MIGA1: variants seen among roughly 807,000 people sequenced by gnomAD.
MIGA1 encodes the protein mitoguardin 1.
In MIGA1, 58 loss-of-function variants were observed where a neutral mutation model predicts 82.0. The ratio of observed to expected loss-of-function variants is 0.71; its 90% CI spans 0.57 to 0.88. MIGA1 has a LOEUF of 0.88. Ranked by LOEUF, MIGA1 falls within the 40% of genes least tolerant of loss-of-function variation. MIGA1 has a pLI of 0.00. For synonymous variants in MIGA1, 249 were observed against 253.6 expected, an observed-to-expected ratio of 0.98 and a Z score of 0.17; for missense variants, 751 against 749.1, an observed-to-expected ratio of 1.00 and a Z score of -0.03.
At chr1:77,841,566 G>T (rs1361341158) in intron 7 of MIGA1, among the ~76,000 whole-genome samples, 1 of 148,904 alleles carries the variant, frequency 6.7e-6, no homozygotes, top group East Asian at 2.0e-4. Flanking sequence ...TTGATGCTTT[G>T]AATAAAAAAA....
intron 2 of MIGA1, among the ~76,000 whole-genome samples, chr1:77,784,623 A>G (rs1301391663): frequency 6.6e-6 from 1 of 152,108 alleles, no homozygotes; most frequent in African/African-American, 2.4e-5. Context: ...CACATAGTGC[A>G]CAGTTTTTCC....
chr1:77,845,782 C>T (rs183038791), intron 8 of MIGA1, among the ~76,000 whole-genome samples: 4 of 152,110 alleles, frequency 2.6e-5, no homozygotes, highest in Non-Finnish European at 4.4e-5. Context: ...TTTGATCGTT[C>T]GAAAACCTTT....
intron 5 of MIGA1, chr1:77,810,914 A>G (rs1683301280): frequency 3.7e-6 from 6 of 1,611,886 alleles, no homozygotes; most frequent in Non-Finnish European, 5.1e-6. Context: ...TTCTTGGTCA[A>G]TAATTGCAAT....
At chr1:77,803,767 A>AC (rs1444413636) in intron 4 of MIGA1, among the ~76,000 whole-genome samples, 1 of 152,162 alleles carries the variant, frequency 6.6e-6, no homozygotes, top group East Asian at 1.9e-4. Context: ...GGGAAAGGTA[A>AC]CGGGGGGTGG....
chr1:77,876,189 G>C lies in MIGA1; in HGVS notation c.*1125G>C, dbSNP rs1023025829. 1 of 151,810 alleles carries C rather than the reference G, an allele frequency of 6.6e-6. No individual in the cohort carries two copies. Among genetic ancestry groups the C allele is most frequent in the Non-Finnish European group, 1.5e-5 (1 of 67,992 alleles). 9.4% of individuals were successfully genotyped at this position (151,810 alleles called of 1,614,324 possible). A position where few individuals can be genotyped will look rare whatever the true frequency, so the allele number is the denominator to read the frequency against. ...GTTGGGTGTGGTGGCATGTGTCTGT[G>C]GTCCCAGCTACTTGGGAGGCTGAGG... On this transcript the variant is annotated 3_prime_UTR_variant, in exon 16 of 16. Coordinates refer to ENST00000370791, the MANE Select transcript of MIGA1 (RefSeq NM_198549.4).
chr1:77,821,431 C>G (rs1490814841), intron 7 of MIGA1, among the ~76,000 whole-genome samples: 1 of 145,914 alleles, frequency 6.9e-6, no homozygotes, highest in African/African-American at 2.6e-5. Flanking sequence ...GCTCTTGTTG[C>G]GCAGGCTGGA....
chr1:77,816,208 T>C (rs1199654743), intron 7 of MIGA1, among the ~76,000 whole-genome samples: 1 of 152,066 alleles, frequency 6.6e-6, no homozygotes, highest in Non-Finnish European at 1.5e-5. Flanking sequence ...CCTCCCAAAG[T>C]GCTGGGATTA....
Position 77,848,777 on chromosome 1 carries a change from G to A in MIGA1, c.996+5370G>A, listed in dbSNP as rs1684937159. 12 of 1,294,604 alleles carry A rather than the reference G, an allele frequency of 9.3e-6. 2 individuals are homozygous for A. In the South Asian group the frequency reaches 1.6e-4, roughly 17 times the overall value. The allele number at this position is 1,294,604 out of a possible 1,614,324, so 80.2% of individuals were successfully genotyped here. ...CAGATGGTGCAGGTTAATGCAAAGA[G>A]CTATATTGACAAACAAGATGATTGA... On this transcript the variant is annotated intron_variant, in intron 8 of 15. Coordinates refer to ENST00000370791, the MANE Select transcript of MIGA1 (RefSeq NM_198549.4).
At chr1:77,805,650 C>G (rs1683071134) in intron 4 of MIGA1, among the ~76,000 whole-genome samples, 1 of 151,712 alleles carries the variant, frequency 6.6e-6, no homozygotes, top group Non-Finnish European at 1.5e-5. Flanking sequence ...CTGCCTCAGC[C>G]TCCCGAGTAG....
intron 14 of MIGA1, among the ~76,000 whole-genome samples, chr1:77,869,621 G>GT (rs1553228962): frequency 7.7e-6 from 1 of 129,070 alleles, no homozygotes; most frequent in African/African-American, 2.8e-5. Context: ...AGGCAGAGGG[G>GT]TCCTCACTTC....
chr1:77,872,928 A>G (rs1571028951), intron 14 of MIGA1, 76 bp from the exon 15 acceptor site: 2 of 1,576,726 alleles, frequency 1.3e-6, no homozygotes, highest in Admixed American at 1.8e-5. Context: ...AATGAATAGC[A>G]ACTTCAGTTT....
intron 10 of MIGA1, chr1:77,859,685 AGTGT>A (rs974539734): frequency 5.2e-6 from 2 of 387,280 alleles, no homozygotes; most frequent in African/African-American, 4.1e-5. Context: ...CTTATTAATT[AGTGT>A]GTATTTGAGA....
intron 4 of MIGA1, among the ~76,000 whole-genome samples, chr1:77,804,300 A>G (rs1257228510): frequency 6.6e-6 from 1 of 152,162 alleles, no homozygotes; most frequent in East Asian, 1.9e-4. Flanking sequence ...GAGCATTACT[A>G]TTAATGCTGA....
At chr1:77,793,328 C>G (rs974738666) in intron 2 of MIGA1, among the ~76,000 whole-genome samples, 5 of 151,980 alleles carry the variant, frequency 3.3e-5, no homozygotes, top group Non-Finnish European at 5.9e-5. Flanking sequence ...GTCTGGAACT[C>G]CTGAGCTCAA....
intron 3 of MIGA1, among the ~76,000 whole-genome samples, chr1:77,801,834 A>G (rs1171937312): frequency 6.6e-6 from 1 of 152,214 alleles, no homozygotes. Flanking sequence ...TTGTAATCAG[A>G]CATTTTGTAA....
intron 14 of MIGA1, among the ~76,000 whole-genome samples, chr1:77,869,570 G>T (rs1296377953): frequency 3.5e-5 from 5 of 141,120 alleles, no homozygotes; most frequent in African/African-American, 1.3e-4. Flanking sequence ...CCGGGCGGGG[G>T]GCTGACCCCC....
intron 2 of MIGA1, among the ~76,000 whole-genome samples, chr1:77,790,456 C>T (rs556120287): frequency 6.6e-6 from 1 of 152,090 alleles, no homozygotes; most frequent in African/African-American, 2.4e-5. Context: ...TTAGTAGAGA[C>T]GGGGTTTCAC....
At chr1:77,782,908 A>C (rs1281188522) in intron 1 of MIGA1, 1 of 968,140 alleles carries the variant, frequency 1.0e-6, no homozygotes, top group African/African-American at 1.8e-5. Flanking sequence ...TACTCCCTAA[A>C]AAGTGTTAAA....
At chr1:77,788,710 C>A (rs913768239) in intron 2 of MIGA1, among the ~76,000 whole-genome samples, 2 of 152,178 alleles carry the variant, frequency 1.3e-5, no homozygotes, top group Admixed American at 6.5e-5. Context: ...CCATTTCCGA[C>A]TGAATGGTCT....
Sources: gnomAD v4.1 joint callset for allele counts (sites outside exome capture counted in the v4.1 genomes callset) on GRCh38, gnomAD v4.1.1 for gene constraint, MANE v1.5 for transcripts, NCBI Gene and HGNC (gene_info 2026-07-23, HGNC 2026-07-21) for gene names.